The following DNM3 variants were observed in gnomAD, a reference collection of about 807,000 sequenced individuals.
DNM3 encodes the protein dynamin-3.
In DNM3, 47 loss-of-function variants were observed where a neutral mutation model predicts 101.6. That is an observed-to-expected ratio of 0.46 (90% CI 0.37 to 0.59). DNM3 has a LOEUF of 0.59. DNM3 is among the 20% of genes least tolerant of loss of function. The pLI is 0.00. For synonymous variants in DNM3, 385 were observed against 387.9 expected, an observed-to-expected ratio of 0.99 and a Z score of 0.09; for missense variants, 849 against 1,085.7, an observed-to-expected ratio of 0.78 and a Z score of 3.06.
At chr1:171,987,571 C>A (rs190375910) in intron 2 of DNM3, 85 bp from the exon 3 acceptor site, 2 of 1,351,880 alleles carry the variant, frequency 1.5e-6, no homozygotes. Context: ...ATATTGGATA[C>A]TTTGACTTAT....
At chr1:171,928,851 G>A (rs2040785437) in intron 2 of DNM3, among the ~76,000 whole-genome samples, 1 of 152,180 alleles carries the variant, frequency 6.6e-6, no homozygotes, top group Admixed American at 6.5e-5. Context: ...TAGAGCTCTT[G>A]TGGTATGCTT....
At chr1:171,919,030 TA>T (rs1453238278) in intron 1 of DNM3, among the ~76,000 whole-genome samples, 1 of 152,226 alleles carries the variant, frequency 6.6e-6, no homozygotes, top group Admixed American at 6.5e-5. Flanking sequence ...ATTGACTTGT[TA>T]AATGGCATTA....
chr1:171,994,589 A>G (rs2045866378), intron 4 of DNM3, among the ~76,000 whole-genome samples: 1 of 152,138 alleles, frequency 6.6e-6, no homozygotes, highest in East Asian at 1.9e-4. Flanking sequence ...GTTTGCACAA[A>G]ACCCCAAACA....
In DNM3 at chr1:172,412,381, A is replaced by G. The variant is rs947399343; in HGVS notation, c.*4540A>G. On this transcript the variant is annotated 3_prime_UTR_variant, in exon 21 of 21. Transcript: ENST00000627582. ...CCACCAGTACTACTTGATTTGTGTT[A>G]TATTTCCTATGTACATGTACAGCCT... The G allele has an allele frequency of 5.1e-6, 5 of 985,666 alleles. No individual in the cohort carries two copies. The highest frequency in any genetic ancestry group is 6.0e-6 in the Non-Finnish European group (5 of 829,924). 61.1% of individuals were successfully genotyped at this position (985,666 alleles called of 1,614,324 possible).
At chr1:172,191,331 T>A (rs540123413) in intron 14 of DNM3, among the ~76,000 whole-genome samples, 3 of 152,158 alleles carry the variant, frequency 2.0e-5, no homozygotes, top group African/African-American at 7.2e-5. Flanking sequence ...ATTGTAGATA[T>A]GTGGTATTAT....
intron 15 of DNM3, 72 bp downstream of exon 15, chr1:172,253,754 T>A: frequency 1.0e-6 from 1 of 969,902 alleles, no homozygotes. Context: ...AGATCATATT[T>A]GAAAATAGTT....
intron 14 of DNM3, among the ~76,000 whole-genome samples, chr1:172,195,842 T>C (rs1241331693): frequency 6.6e-6 from 1 of 151,958 alleles, no homozygotes; most frequent in African/African-American, 2.4e-5. Context: ...TGAGGATTTC[T>C]GCATCTATGT....
intron 15 of DNM3, among the ~76,000 whole-genome samples, chr1:172,301,849 A>T (rs1336525121): frequency 6.6e-6 from 1 of 152,162 alleles, no homozygotes; most frequent in Non-Finnish European, 1.5e-5. Context: ...AGAGAAATAG[A>T]ACCTCAACTA....
At chr1:172,122,943 A>C (rs928598925) in intron 13 of DNM3, among the ~76,000 whole-genome samples, 1 of 152,200 alleles carries the variant, frequency 6.6e-6, no homozygotes, top group Non-Finnish European at 1.5e-5. Flanking sequence ...GTGGATTAAA[A>C]GAAATAATGT....
intron 15 of DNM3, among the ~76,000 whole-genome samples, chr1:172,276,453 G>T (rs117183440): frequency 1.3e-4 from 19 of 151,726 alleles, no homozygotes; most frequent in Non-Finnish European, 1.8e-4. Context: ...TTAAGGATTA[G>T]ATTTTAAATT....
chr1:172,070,616 G>T (rs539760011), intron 11 of DNM3, among the ~76,000 whole-genome samples: 15 of 152,274 alleles, frequency 9.9e-5, no homozygotes, highest in Middle Eastern at 3.4e-3. Context: ...TCACCATGTT[G>T]TTAAGATTGT....
chr1:172,265,972 CA>C (rs914393635), intron 15 of DNM3, among the ~76,000 whole-genome samples: 1 of 152,132 alleles, frequency 6.6e-6, no homozygotes, highest in African/African-American at 2.4e-5. Flanking sequence ...CCAAGTGTTC[CA>C]ATTCACCTCC....
intron 7 of DNM3, 70 bp from the exon 8 acceptor site, chr1:172,041,939 A>C (rs778695048): frequency 1.4e-6 from 2 of 1,480,012 alleles, no homozygotes. Flanking sequence ...GAATAATCAT[A>C]GGAAAAGAAA....
chr1:171,943,368 G>A (rs901031607), intron 2 of DNM3, among the ~76,000 whole-genome samples: 2 of 152,166 alleles, frequency 1.3e-5, no homozygotes, highest in African/African-American at 4.8e-5. Flanking sequence ...GGGTAGGGTA[G>A]TCATGCCTCA....
At chr1:172,324,892 C>A (rs1267841846) in intron 17 of DNM3, among the ~76,000 whole-genome samples, 4 of 151,966 alleles carry the variant, frequency 2.6e-5, no homozygotes, top group African/African-American at 9.7e-5. Flanking sequence ...AACAGGGAGC[C>A]TGTGCATGCT....
chr1:172,282,155 G>A (rs564301762), intron 15 of DNM3, among the ~76,000 whole-genome samples: 2 of 152,146 alleles, frequency 1.3e-5, no homozygotes, highest in Non-Finnish European at 2.9e-5. Context: ...GAGCTATGGA[G>A]GAGCTGAAGT....
chr1:172,300,643 A>G (rs1258109196), intron 15 of DNM3, among the ~76,000 whole-genome samples: 1 of 152,204 alleles, frequency 6.6e-6, no homozygotes. Flanking sequence ...TTTACCTATC[A>G]CCTTATAAAA....
intron 14 of DNM3, among the ~76,000 whole-genome samples, chr1:172,145,821 A>C (rs1315581777): frequency 6.6e-6 from 1 of 152,164 alleles, no homozygotes; most frequent in East Asian, 1.9e-4. Flanking sequence ...TCTGTGGCTT[A>C]GTTTTATCTC....
At chr1:171,887,514 G>T (rs915418968) in intron 1 of DNM3, among the ~76,000 whole-genome samples, 2 of 152,130 alleles carry the variant, frequency 1.3e-5, no homozygotes, top group African/African-American at 4.8e-5. Context: ...AAGTTCTTTG[G>T]TTTGACTTTG....
Sources: allele counts gnomAD v4.1 joint callset (sites outside exome capture counted in the v4.1 genomes callset), GRCh38; gene constraint gnomAD v4.1.1; transcripts MANE v1.5; gene names NCBI Gene and HGNC (gene_info 2026-07-23, HGNC 2026-07-21).